Variants in NRG1 observed in about 807,000 individuals in gnomAD.
The protein encoded by NRG1 is pro-neuregulin-1, membrane-bound isoform.
NRG1 carries 18 observed loss-of-function variants against 63.8 expected under a neutral mutation model. The observed-to-expected ratio is 0.28, with a 90% CI of 0.19 to 0.42. The LOEUF (loss-of-function observed/expected upper bound fraction) is 0.42, where lower values mean the gene tolerates loss of function less well. Ranked by LOEUF, NRG1 falls within the 10% of genes least tolerant of loss-of-function variation. The probability of loss-of-function intolerance (pLI) is 1.00; values close to 1 mark genes in which losing one functional copy is unlikely to be tolerated. For synonymous variants in NRG1, 302 were observed against 301.3 expected, an observed-to-expected ratio of 1.00 and a Z score of -0.02; for missense variants, 762 against 814.7, an observed-to-expected ratio of 0.94 and a Z score of 0.79.
intron 1 of NRG1, among the ~76,000 whole-genome samples, chr8:31,977,818 C>T (rs552064506): frequency 2.6e-5 from 4 of 151,814 alleles, no homozygotes; most frequent in African/African-American, 9.7e-5. Flanking sequence ...GTGTAGGGAC[C>T]ATTTCTTCAT....
At chr8:32,719,769 CT>C (rs1310318934) in intron 5 of NRG1, among the ~76,000 whole-genome samples, 2 of 151,672 alleles carry the variant, frequency 1.3e-5, no homozygotes, top group Non-Finnish European at 2.9e-5. Context: ...CTACGTTTAA[CT>C]TTTTTTTAAA....
At chr8:32,363,250 T>A (rs901063093) in intron 1 of NRG1, among the ~76,000 whole-genome samples, 1 of 152,210 alleles carries the variant, frequency 6.6e-6, no homozygotes, top group Non-Finnish European at 1.5e-5. Flanking sequence ...GGCCTCACTT[T>A]CTATATCCAT....
intron 1 of NRG1, among the ~76,000 whole-genome samples, chr8:32,239,237 A>C (rs571071447): frequency 6.6e-6 from 1 of 151,596 alleles, no homozygotes; most frequent in Non-Finnish European, 1.5e-5. Flanking sequence ...GAGTTTTGAC[A>C]AAAAATGCAA....
In NRG1 at chr8:32,276,645, C is replaced by G. The variant is rs543808039; in HGVS notation, c.38-319183C>G. On this transcript the variant is annotated intron_variant, in intron 1 of 10. Transcript: ENST00000519301. ...TGAGCCTACTGAGTAGCTAGGACTA[C>G]AGGTATGCACCACCACACCCTGCCA... Among the ~76,000 whole-genome samples the G allele has an allele frequency of 1.9e-3, 284 of 152,218 alleles. 2 individuals carry two copies. The highest frequency in any genetic ancestry group is 1.8e-3 in the Non-Finnish European group (123 of 68,008).
At chr8:32,133,861 G>A (rs1448963640) in intron 1 of NRG1, among the ~76,000 whole-genome samples, 1 of 152,144 alleles carries the variant, frequency 6.6e-6, no homozygotes, top group African/African-American at 2.4e-5. Context: ...CCTGTTCATA[G>A]ATTATTCAAA....
chr8:32,231,683 C>G (rs1426947888), intron 1 of NRG1, among the ~76,000 whole-genome samples: 3 of 151,838 alleles, frequency 2.0e-5, no homozygotes, highest in African/African-American at 7.3e-5. Context: ...GGTGGATTAC[C>G]TGAGGTCAGG....
chr8:32,746,560 A>G (rs1178398785), intron 7 of NRG1, among the ~76,000 whole-genome samples: 1 of 152,158 alleles, frequency 6.6e-6, no homozygotes. Context: ...TCCTCAAGCA[A>G]TTATAAAATC....
intron 1 of NRG1, among the ~76,000 whole-genome samples, chr8:32,476,638 G>A (rs1824556266): frequency 6.6e-6 from 1 of 152,110 alleles, no homozygotes; most frequent in East Asian, 1.9e-4. Context: ...GACTCTTTTT[G>A]GCAACTCATG....
intron 1 of NRG1, among the ~76,000 whole-genome samples, chr8:32,573,899 A>G (rs1003565047): frequency 6.6e-6 from 1 of 151,812 alleles, no homozygotes; most frequent in Non-Finnish European, 1.5e-5. Context: ...GAGAACATGC[A>G]GTGTTTGGTT....
intron 1 of NRG1, among the ~76,000 whole-genome samples, chr8:32,528,054 T>C (rs576005777): frequency 2.6e-4 from 40 of 152,302 alleles, no homozygotes; most frequent in African/African-American, 9.6e-4. Context: ...TGCAGTTCTC[T>C]CCACCTGTAA....
At chr8:32,534,413 A>C (rs1227072735) in intron 1 of NRG1, among the ~76,000 whole-genome samples, 1 of 152,144 alleles carries the variant, frequency 6.6e-6, no homozygotes, top group Non-Finnish European at 1.5e-5. Context: ...TTCTTAAAAA[A>C]ATAGTAAATC....
At chr8:31,695,980 C>T (rs1293587961) in intron 1 of NRG1, among the ~76,000 whole-genome samples, 1 of 152,158 alleles carries the variant, frequency 6.6e-6, no homozygotes, top group Non-Finnish European at 1.5e-5. Context: ...AAAAGTAATA[C>T]TTGATCCATA....
intron 1 of NRG1, among the ~76,000 whole-genome samples, chr8:31,749,119 G>C (rs1047135175): frequency 6.6e-5 from 10 of 151,764 alleles, no homozygotes; most frequent in Non-Finnish European, 1.0e-4. Context: ...CATGACAGAG[G>C]ATAGTACATA....
intron 1 of NRG1, among the ~76,000 whole-genome samples, chr8:32,218,114 A>G (rs955860207): frequency 3.3e-5 from 5 of 152,174 alleles, no homozygotes; most frequent in Non-Finnish European, 5.9e-5. Context: ...CGATATTAAG[A>G]TCATGCTTGA....
At chr8:31,948,566 A>T (rs1802981279) in intron 1 of NRG1, among the ~76,000 whole-genome samples, 1 of 152,174 alleles carries the variant, frequency 6.6e-6, no homozygotes, top group Non-Finnish European at 1.5e-5. Context: ...ACATGTTTAT[A>T]ATCTTCAGAG....
intron 1 of NRG1, among the ~76,000 whole-genome samples, chr8:32,002,381 C>A (rs1813075968): frequency 6.6e-6 from 1 of 151,912 alleles, no homozygotes; most frequent in African/African-American, 2.4e-5. Context: ...TTTATTAATT[C>A]ATTTATTTAC....
intron 1 of NRG1, among the ~76,000 whole-genome samples, chr8:32,491,171 T>A (rs1826508176): frequency 6.6e-6 from 1 of 152,152 alleles, no homozygotes; most frequent in African/African-American, 2.4e-5. Context: ...GTGAGCAACA[T>A]CTCTTAGAGA....
chr8:31,813,662 G>A (rs2131801912), intron 1 of NRG1, among the ~76,000 whole-genome samples: 1 of 151,062 alleles, frequency 6.6e-6, no homozygotes, highest in African/African-American at 2.4e-5. Context: ...TCACTATCTG[G>A]GACTACAGGT....
intron 1 of NRG1, among the ~76,000 whole-genome samples, chr8:32,449,425 A>AG (rs1275121411): frequency 6.6e-6 from 1 of 151,550 alleles, no homozygotes; most frequent in East Asian, 1.9e-4. Flanking sequence ...AAAAAAAAAA[A>AG]GAACAAAAAC....
Sources: allele counts gnomAD v4.1 joint callset (sites outside exome capture counted in the v4.1 genomes callset), GRCh38; gene constraint gnomAD v4.1.1; transcripts MANE v1.5; gene names NCBI Gene and HGNC (gene_info 2026-07-23, HGNC 2026-07-21).